RUNX2: variants seen among roughly 807,000 people sequenced by gnomAD.
The protein encoded by RUNX2 is runt-related transcription factor 2.
Under a neutral mutation model 51.7 loss-of-function variants are expected in RUNX2, and 10 were observed. The observed-to-expected ratio is 0.19, with a 90% confidence interval of 0.12 to 0.33. The LOEUF is 0.33. RUNX2 is among the 10% of genes least tolerant of loss of function. RUNX2 has a pLI of 1.00. For missense variants in RUNX2, 562 were observed against 691.3 expected (o/e 0.81, Z 2.10); for synonymous variants, 276 against 273.6 (o/e 1.01, Z -0.09).
chr6:45,449,748 A>G (rs1272022867), intron 5 of RUNX2, among the ~76,000 whole-genome samples: 1 of 152,230 alleles, frequency 6.6e-6, no homozygotes, highest in East Asian at 1.9e-4. Context: ...TATTGAATTC[A>G]TTTTAACAGC....
At chr6:45,510,379 C>T (rs151208475) in intron 6 of RUNX2, among the ~76,000 whole-genome samples, 11 of 152,154 alleles carry the variant, frequency 7.2e-5, no homozygotes, top group Admixed American at 3.9e-4. Flanking sequence ...AGTAAACATC[C>T]GATAAATATC....
intron 2 of RUNX2, among the ~76,000 whole-genome samples, chr6:45,396,378 C>A (rs1305366146): frequency 1.3e-5 from 2 of 152,164 alleles, no homozygotes; most frequent in East Asian, 3.9e-4. Context: ...AGGTTTGCAT[C>A]ATCCTAAAAG....
At chr6:45,540,618 A>G (rs1033217035) in intron 7 of RUNX2, among the ~76,000 whole-genome samples, 1 of 152,182 alleles carries the variant, frequency 6.6e-6, no homozygotes, top group African/African-American at 2.4e-5. Flanking sequence ...TTCAAACAAG[A>G]TGCTAGTTTC....
intron 5 of RUNX2, among the ~76,000 whole-genome samples, chr6:45,452,740 A>C (rs1799209987): frequency 6.6e-6 from 1 of 152,160 alleles, no homozygotes; most frequent in Non-Finnish European, 1.5e-5. Context: ...AATTTTCTCT[A>C]AGGGAAAAAA....
chr6:45,460,323 A>G (rs1799436912), intron 5 of RUNX2, among the ~76,000 whole-genome samples: 1 of 152,198 alleles, frequency 6.6e-6, no homozygotes, highest in Non-Finnish European at 1.5e-5. Context: ...CTGTTCAAGA[A>G]GAATGTCACC....
chr6:45,385,938 ACTCAGTCCTCTGCTCTTC>A (rs1305140599), intron 2 of RUNX2, among the ~76,000 whole-genome samples: 21 of 151,660 alleles, frequency 1.4e-4, no homozygotes, highest in Non-Finnish European at 2.7e-4. Flanking sequence ...TCTTCTTTCT[ACTCAGTCCTCTGCTCTTC>A]CTCACCCACA....
chr6:45,343,162 CAT>C (rs1487732354), intron 2 of RUNX2, among the ~76,000 whole-genome samples: 1 of 152,164 alleles, frequency 6.6e-6, no homozygotes, highest in Non-Finnish European at 1.5e-5. Context: ...AACTCATACT[CAT>C]AGTGTGGCTC....
chr6:45,509,829 C>G (rs1041373283), intron 6 of RUNX2, among the ~76,000 whole-genome samples: 2 of 152,056 alleles, frequency 1.3e-5, no homozygotes, highest in Admixed American at 1.3e-4. Flanking sequence ...AGGCAGGGGG[C>G]CCTAGACGGA....
chr6:45,383,496 ATAAT>A (rs1797285199), intron 2 of RUNX2, among the ~76,000 whole-genome samples: 2 of 152,192 alleles, frequency 1.3e-5, no homozygotes, highest in African/African-American at 4.8e-5. Flanking sequence ...ACATTCTATA[ATAAT>A]TAAATTAATT....
At chr6:45,419,068 T>C (rs1450587893) in intron 2 of RUNX2, among the ~76,000 whole-genome samples, 1 of 152,146 alleles carries the variant, frequency 6.6e-6, no homozygotes, top group African/African-American at 2.4e-5. Context: ...AAAACAGCGA[T>C]GGAGAAAAAA....
chr6:45,387,001 A>T (rs981636321), intron 2 of RUNX2, among the ~76,000 whole-genome samples: 36 of 152,326 alleles, frequency 2.4e-4, no homozygotes, highest in African/African-American at 8.7e-4. Flanking sequence ...AGGAGCTAAC[A>T]GTTCAGGAAG....
At chr6:45,469,385 T>C (rs1010356594) in intron 5 of RUNX2, among the ~76,000 whole-genome samples, 3 of 152,238 alleles carry the variant, frequency 2.0e-5, no homozygotes, top group African/African-American at 7.2e-5. Context: ...TAAAACTTAC[T>C]TTTGTTTTTA....
chr6:45,387,566 A>G (rs1797377744), intron 2 of RUNX2, among the ~76,000 whole-genome samples: 4 of 152,178 alleles, frequency 2.6e-5, no homozygotes, highest in Admixed American at 2.6e-4. Context: ...CTAAATATCC[A>G]CATTCAATGC....
intron 6 of RUNX2, among the ~76,000 whole-genome samples, chr6:45,497,713 G>A (rs185827973): frequency 6.6e-6 from 1 of 152,144 alleles, no homozygotes; most frequent in East Asian, 1.9e-4. Flanking sequence ...TCACATGTCT[G>A]TCTCCTCCAT....
chr6:45,414,391 C>A (rs1481478270), intron 2 of RUNX2, among the ~76,000 whole-genome samples: 2 of 152,086 alleles, frequency 1.3e-5, no homozygotes, highest in African/African-American at 4.8e-5. Flanking sequence ...TTTTTTCCCA[C>A]TTTGATTTAG....
At chr6:45,516,977 A>G (rs764974857) in intron 7 of RUNX2, among the ~76,000 whole-genome samples, 13 of 151,992 alleles carry the variant, frequency 8.6e-5, no homozygotes, top group Non-Finnish European at 1.9e-4. Context: ...TAACTCCTCC[A>G]CTATCCCACT....
At chr6:45,513,018 C>A (rs1201796491) in intron 7 of RUNX2, among the ~76,000 whole-genome samples, 1 of 152,126 alleles carries the variant, frequency 6.6e-6, no homozygotes, top group Non-Finnish European at 1.5e-5. Context: ...TGCAGCCCGG[C>A]AGCCCAGTGC....
chr6:45,475,181 A>G (rs1416358229), intron 5 of RUNX2, among the ~76,000 whole-genome samples: 1 of 152,120 alleles, frequency 6.6e-6, no homozygotes, highest in Non-Finnish European at 1.5e-5. Flanking sequence ...ATGGGTATTA[A>G]TAACTATGAT....
In RUNX2 at chr6:45,408,982, G is replaced by A. The variant is rs1021394406; in HGVS notation, c.59-13611G>A. 3.9e-5 allele frequency among the ~76,000 whole-genome samples: 6 copies of A among 152,176 alleles called. No individual in the cohort carries two copies. The South Asian group carries it at 6.2e-4, about 16-fold the overall frequency. On this transcript the variant is annotated intron_variant, in intron 2 of 8. Coordinates refer to ENST00000647337, the MANE Select transcript of RUNX2 (RefSeq NM_001024630.4). ...TATGTTTACTGTATGAATATTTGGT[G>A]CTCTTGGTCCTACTATTCCTCCCAA...
Sources: allele counts gnomAD v4.1 joint callset (sites outside exome capture counted in the v4.1 genomes callset), GRCh38; gene constraint gnomAD v4.1.1; transcripts MANE v1.5; gene names NCBI Gene and HGNC (gene_info 2026-07-23, HGNC 2026-07-21).